The following XPNPEP3 variants were observed in gnomAD, a reference collection of about 807,000 sequenced individuals.
XPNPEP3 encodes xaa-Pro aminopeptidase 3.
Under a neutral mutation model 60.0 loss-of-function variants are expected in XPNPEP3, and 41 were observed. The ratio of observed to expected loss-of-function variants is 0.68; its 90% confidence interval spans 0.53 to 0.89. XPNPEP3 has a LOEUF of 0.89. XPNPEP3 is among the 40% of genes least tolerant of loss of function. XPNPEP3 has a pLI of 0.00. For missense variants in XPNPEP3, 598 were observed against 638.9 expected (o/e 0.94, Z 0.69); for synonymous variants, 212 against 223.2 (o/e 0.95, Z 0.45).
intron 1 of XPNPEP3, among the ~76,000 whole-genome samples, chr22:40,865,325 CTTT>C (rs11365518): frequency 4.4e-5 from 5 of 112,618 alleles, no homozygotes; most frequent in African/African-American, 7.2e-5. Flanking sequence ...GCCCTCCTCA[CTTT>C]TTTTTTTTTT....
At chr22:40,870,881 T>C (rs945797560) in intron 2 of XPNPEP3, among the ~76,000 whole-genome samples, 2 of 151,720 alleles carry the variant, frequency 1.3e-5, no homozygotes, top group African/African-American at 2.4e-5. Context: ...AAAAAAAAAT[T>C]AGCCGGGTGT....
intron 3 of XPNPEP3, among the ~76,000 whole-genome samples, chr22:40,884,901 G>A (rs1161656605): frequency 2.0e-5 from 3 of 151,580 alleles, no homozygotes; most frequent in Non-Finnish European, 4.4e-5. Context: ...GGTGGCATGC[G>A]CCTGTAATCC....
Position 40,914,237 on chromosome 22 carries a change from A to G in XPNPEP3, c.970-2A>G, listed in dbSNP as rs1357558051. ...ACTTTAACCTGTCTTACTTTGTTCCAGGATGGGGAAATGGTGCTTCTGGAT... is the reference window on the plus strand; with the variant it reads ...ACTTTAACCTGTCTTACTTTGTTCCGGGATGGGGAAATGGTGCTTCTGGAT... On this transcript the variant is annotated splice_acceptor_variant, in intron 6 of 9. Transcript: ENST00000357137. LOFTEE classifies it high-confidence loss of function. 4 of 1,613,480 alleles carry G rather than the reference A, an allele frequency of 2.5e-6. No individual in the cohort carries two copies. The highest frequency in any genetic ancestry group is 2.5e-6 in the Non-Finnish European group (3 of 1,179,708).
chr22:40,901,869 C>T (rs1322260238), intron 4 of XPNPEP3, among the ~76,000 whole-genome samples: 2 of 152,138 alleles, frequency 1.3e-5, no homozygotes, highest in Non-Finnish European at 2.9e-5. Context: ...TGGGAATTAA[C>T]TGCTTAATGG....
intron 2 of XPNPEP3, among the ~76,000 whole-genome samples, chr22:40,872,113 A>G (rs1019585206): frequency 2.6e-5 from 4 of 152,182 alleles, no homozygotes; most frequent in Non-Finnish European, 4.4e-5. Context: ...TTTCTTTGCC[A>G]TACCTACCTA....
intron 4 of XPNPEP3, among the ~76,000 whole-genome samples, chr22:40,887,035 T>C (rs2058072158): frequency 1.3e-5 from 2 of 152,210 alleles, no homozygotes; most frequent in African/African-American, 4.8e-5. Flanking sequence ...ATGGTTCTTT[T>C]ACCCATCAAT....
At chr22:40,892,257 T>G (rs1236189462) in intron 4 of XPNPEP3, among the ~76,000 whole-genome samples, 1 of 152,128 alleles carries the variant, frequency 6.6e-6, no homozygotes, top group Non-Finnish European at 1.5e-5. Context: ...CAGTCTCGGC[T>G]CACTGCAACC....
chr22:40,883,038 C>T (rs910601793), intron 3 of XPNPEP3, among the ~76,000 whole-genome samples: 1 of 152,110 alleles, frequency 6.6e-6, no homozygotes, highest in South Asian at 2.1e-4. Flanking sequence ...GACTGCACAA[C>T]GTAGTGAGAC....
chr22:40,873,261 C>T (rs2058014724), intron 2 of XPNPEP3, among the ~76,000 whole-genome samples: 1 of 151,428 alleles, frequency 6.6e-6, no homozygotes, highest in African/African-American at 2.4e-5. Context: ...TGCGCCACCA[C>T]ACCTGGCTAA....
Position 40,932,339 on chromosome 22 carries a change from T to G in XPNPEP3, c.*5904T>G, listed in dbSNP as rs1213784047. On this transcript the variant is annotated 3_prime_UTR_variant, in exon 10 of 10. Coordinates refer to ENST00000357137, the MANE Select transcript of XPNPEP3 (RefSeq NM_022098.4). ...AGAGGTTTTTATGGTGTGATTGTGTTTTTTTTTTTTTAATTTTTGTTTCCT... is the reference window on the plus strand; with the variant it reads ...AGAGGTTTTTATGGTGTGATTGTGTGTTTTTTTTTTTAATTTTTGTTTCCT... The G allele has an allele frequency of 2.2e-5, 3 of 138,410 alleles. No individual in the cohort carries two copies. Among genetic ancestry groups the G allele is most frequent in the African/African-American group, 6.5e-5 (2 of 30,996 alleles). 8.6% of individuals were successfully genotyped at this position (138,410 alleles called of 1,614,324 possible).
chr22:40,887,153 C>T (rs911645316), intron 4 of XPNPEP3, among the ~76,000 whole-genome samples: 3 of 152,064 alleles, frequency 2.0e-5, no homozygotes, highest in Admixed American at 6.6e-5. Flanking sequence ...ACTCAGGACC[C>T]AAAGTGACAA....
intron 7 of XPNPEP3, among the ~76,000 whole-genome samples, chr22:40,915,114 T>C (rs2146275281): frequency 6.9e-6 from 1 of 145,442 alleles, no homozygotes; most frequent in East Asian, 2.1e-4. Context: ...TGCAGTGGCA[T>C]GATCTCGGCT....
intron 4 of XPNPEP3, among the ~76,000 whole-genome samples, chr22:40,888,914 G>T (rs143951566): frequency 6.6e-6 from 1 of 152,164 alleles, no homozygotes; most frequent in East Asian, 1.9e-4. Context: ...ATCCTAATGT[G>T]TGTGAAGTGG....
chr22:40,902,885 C>T lies in XPNPEP3; in HGVS notation c.793-4702C>T, dbSNP rs772542724. 2.0e-5 allele frequency among the ~76,000 whole-genome samples: 3 copies of T among 152,100 alleles called. No individual in the cohort carries two copies. The East Asian group carries it at 5.8e-4, about 29-fold the overall frequency. ...AGGTGCAGACTCCTCTGTTTTTCTC[C>T]CTACGTAAGGGCTTGGTGGTTCTCT... On this transcript the variant is annotated intron_variant, in intron 4 of 9. Transcript: ENST00000357137.
chr22:40,888,185 T>C (rs2058076371), intron 4 of XPNPEP3, among the ~76,000 whole-genome samples: 1 of 152,204 alleles, frequency 6.6e-6, no homozygotes, highest in Non-Finnish European at 1.5e-5. Context: ...ATACAACATT[T>C]GGCTTTTTGT....
At chr22:40,857,973 T>C (rs1189915581) in intron 1 of XPNPEP3, among the ~76,000 whole-genome samples, 1 of 152,228 alleles carries the variant, frequency 6.6e-6, no homozygotes, top group Non-Finnish European at 1.5e-5. Flanking sequence ...TAAAATGGAA[T>C]GTTAATTACA....
In XPNPEP3 at chr22:40,932,338, T is replaced by TG. The variant is rs1491266341; in HGVS notation, c.*5903_*5904insG. 3.8e-5 allele frequency: 5 copies of TG among 131,502 alleles called. No individual in the cohort carries two copies. The highest frequency in any genetic ancestry group is 6.2e-5 in the Non-Finnish European group (4 of 64,968). 8.1% of individuals were successfully genotyped at this position (131,502 alleles called of 1,614,324 possible). ...AAGAGGTTTTTATGGTGTGATTGTG[T>TG]TTTTTTTTTTTTAATTTTTGTTTCC... On this transcript the variant is annotated 3_prime_UTR_variant, in exon 10 of 10. Coordinates refer to ENST00000357137, the MANE Select transcript of XPNPEP3 (RefSeq NM_022098.4).
At chr22:40,860,508 T>C in intron 1 of XPNPEP3, 1 of 567,678 alleles carries the variant, frequency 1.8e-6, no homozygotes, top group Non-Finnish European at 2.7e-6. Context: ...AGTCTGAACC[T>C]GTGTGTCTTG....
At chr22:40,915,082 C>T (rs908701219) in intron 7 of XPNPEP3, among the ~76,000 whole-genome samples, 5 of 131,850 alleles carry the variant, frequency 3.8e-5, no homozygotes, top group East Asian at 2.3e-4. Flanking sequence ...GACGGAGTCT[C>T]GCTCTGGCAC....
Sources: allele counts gnomAD v4.1 joint callset (sites outside exome capture counted in the v4.1 genomes callset), GRCh38; gene constraint gnomAD v4.1.1; transcripts MANE v1.5; gene names NCBI Gene and HGNC (gene_info 2026-07-23, HGNC 2026-07-21).